CHST9: variants seen among roughly 807,000 people sequenced by gnomAD.
CHST9 encodes carbohydrate sulfotransferase 9.
In CHST9, 41 loss-of-function variants were observed where a neutral mutation model predicts 44.4. The ratio of observed to expected loss-of-function variants is 0.92; its 90% CI spans 0.72 to 1.20. The LOEUF is 1.20. Among genes scored for constraint, CHST9 ranks in the 50% most tolerant of loss-of-function variants. The probability of loss-of-function intolerance (pLI) is 0.00; values close to 1 mark genes in which losing one functional copy is unlikely to be tolerated. For missense variants in CHST9, 504 were observed against 516.5 expected (o/e 0.98, Z 0.23); for synonymous variants, 171 against 178.4 (o/e 0.96, Z 0.33).
chr18:27,169,292 G>C (rs2058815245), intron 1 of CHST9, among the ~76,000 whole-genome samples: 1 of 152,120 alleles, frequency 6.6e-6, no homozygotes, highest in South Asian at 2.1e-4. Flanking sequence ...CATAAATTTA[G>C]AAGTCATAAG....
chr18:27,004,427 A>C (rs879247955), intron 4 of CHST9, among the ~76,000 whole-genome samples: 1 of 152,036 alleles, frequency 6.6e-6, no homozygotes, highest in South Asian at 2.1e-4. Context: ...AGAAAAGATA[A>C]GATTTCTCAC....
At chr18:27,109,498 T>C (rs1230105906) in intron 2 of CHST9, among the ~76,000 whole-genome samples, 7 of 152,232 alleles carry the variant, frequency 4.6e-5, no homozygotes. Context: ...GGAAAGGGCA[T>C]GCAGCCACAG....
At chr18:26,945,341 G>T (rs969233280) in intron 4 of CHST9, among the ~76,000 whole-genome samples, 1 of 152,144 alleles carries the variant, frequency 6.6e-6, no homozygotes. Flanking sequence ...TACAACCAAG[G>T]TATTAATATT....
chr18:27,153,544 C>CTGTG (rs748908317), intron 1 of CHST9, among the ~76,000 whole-genome samples: 4 of 95,422 alleles, frequency 4.2e-5, no homozygotes, highest in Non-Finnish European at 6.7e-5. Context: ...CTCTCTCTCT[C>CTGTG]TCTGTGTGTG....
intron 2 of CHST9, among the ~76,000 whole-genome samples, chr18:27,125,500 G>GT (rs1598741618): frequency 6.6e-6 from 1 of 152,094 alleles, no homozygotes; most frequent in Non-Finnish European, 1.5e-5. Flanking sequence ...GTTTCCTTCT[G>GT]TATTGGTTTC....
chr18:26,946,606 T>C (rs866762295), intron 4 of CHST9, among the ~76,000 whole-genome samples: 16 of 152,246 alleles, frequency 1.1e-4, no homozygotes, highest in African/African-American at 3.9e-4. Context: ...GCCTATGTCC[T>C]GAATGGTATT....
chr18:27,024,924 C>A, intron 3 of CHST9, among the ~76,000 whole-genome samples: 1 of 151,850 alleles, frequency 6.6e-6, no homozygotes, highest in Non-Finnish European at 1.5e-5. Context: ...GCCTAGTCAC[C>A]TATGGGGAGA....
intron 2 of CHST9, among the ~76,000 whole-genome samples, chr18:27,110,643 T>C (rs2058263197): frequency 6.6e-6 from 1 of 152,322 alleles, no homozygotes. Flanking sequence ...AGTGGGGAAC[T>C]GGGAGGGAAC....
chr18:26,922,617 A>G (rs1399019649), intron 5 of CHST9, among the ~76,000 whole-genome samples: 4 of 146,516 alleles, frequency 2.7e-5, no homozygotes, highest in Non-Finnish European at 1.5e-5. Flanking sequence ...TTGAAAGCCT[A>G]ATTCTTGTTA....
intron 4 of CHST9, 130 bp downstream of exon 4, chr18:27,023,986 T>C: frequency 1.1e-6 from 1 of 877,804 alleles, no homozygotes; most frequent in Non-Finnish European, 1.8e-6. Context: ...TAGGCAGTGC[T>C]TCCTAGGGAT....
chr18:27,138,950 G>C (rs1209631840), intron 2 of CHST9, among the ~76,000 whole-genome samples: 1 of 152,026 alleles, frequency 6.6e-6, no homozygotes, highest in Non-Finnish European at 1.5e-5. Flanking sequence ...ACTAGGAAAT[G>C]GATAAATTAA....
intron 3 of CHST9, among the ~76,000 whole-genome samples, chr18:27,034,547 C>G (rs1304432109): frequency 1.3e-5 from 2 of 152,158 alleles, no homozygotes; most frequent in African/African-American, 4.8e-5. Flanking sequence ...CTGCTTCCCA[C>G]AGTCTATAAG....
intron 2 of CHST9, among the ~76,000 whole-genome samples, chr18:27,093,023 A>T (rs2058084276): frequency 6.6e-6 from 1 of 152,124 alleles, no homozygotes; most frequent in Non-Finnish European, 1.5e-5. Flanking sequence ...GTTCTATTCC[A>T]GACCCTGTTT....
intron 4 of CHST9, among the ~76,000 whole-genome samples, chr18:26,965,452 T>C (rs1374963047): frequency 6.6e-6 from 1 of 152,186 alleles, no homozygotes; most frequent in Non-Finnish European, 1.5e-5. Context: ...TTAGAACCCC[T>C]GGGAAGCAGG....
intron 2 of CHST9, among the ~76,000 whole-genome samples, chr18:27,068,281 T>C (rs1465414897): frequency 6.6e-6 from 1 of 152,180 alleles, no homozygotes; most frequent in Non-Finnish European, 1.5e-5. Flanking sequence ...TGTCCTTTTT[T>C]TCATACTGAC....
intron 2 of CHST9, among the ~76,000 whole-genome samples, chr18:27,051,131 G>A (rs147301392): frequency 7.2e-4 from 109 of 152,308 alleles, no homozygotes; most frequent in African/African-American, 2.5e-3. Context: ...GTGGCTTCCA[G>A]TTTGGGTGTG....
intron 3 of CHST9, among the ~76,000 whole-genome samples, chr18:27,045,421 T>C (rs1368831856): frequency 6.6e-6 from 1 of 152,010 alleles, no homozygotes; most frequent in Non-Finnish European, 1.5e-5. Flanking sequence ...AAAGAGGTCT[T>C]TCTTCTGATG....
At chr18:27,058,151 G>A (rs1485807) in intron 2 of CHST9, among the ~76,000 whole-genome samples, 50,711 of 152,074 alleles carry the variant, frequency 0.33, 9,777 homozygotes, top group Non-Finnish European at 0.45. Flanking sequence ...AAATAGGAAT[G>A]CTAGTCTTAA....
Position 26,957,685 on chromosome 18 carries a change from G to A in CHST9, c.203-13319C>T, listed in dbSNP as rs527582905. Among the ~76,000 whole-genome samples, 20 of 152,144 alleles carry A rather than the reference G, an allele frequency of 1.3e-4. No homozygotes were observed. In the South Asian group the frequency reaches 4.2e-3, roughly 32 times the overall value. ...ACCACTATCAGAGAATCTTCTTCTG[G>A]AGTTGTAGTTACCTATTTTGCAAAG... On this transcript the variant is annotated intron_variant, in intron 4 of 5. Transcript: ENST00000618847.
Sources: gnomAD v4.1 joint callset for allele counts (sites outside exome capture counted in the v4.1 genomes callset) on GRCh38, gnomAD v4.1.1 for gene constraint, MANE v1.5 for transcripts, NCBI Gene and HGNC (gene_info 2026-07-23, HGNC 2026-07-21) for gene names.